C12orf56: variants seen among roughly 807,000 people sequenced by gnomAD.
The protein encoded by C12orf56 is uncharacterized protein C12orf56.
C12orf56 carries 71 observed loss-of-function variants against 69.9 expected under a neutral mutation model. The observed-to-expected ratio is 1.02, with a 90% CI of 0.84 to 1.24. The LOEUF is 1.24. Among genes scored for constraint, C12orf56 ranks in the 50% most tolerant of loss-of-function variants. The probability of loss-of-function intolerance (pLI) is 0.00; values close to 1 mark genes in which losing one functional copy is unlikely to be tolerated. For synonymous variants in C12orf56, 276 were observed against 274.1 expected (o/e 1.01, Z -0.07); for missense variants, 732 against 738.5 (o/e 0.99, Z 0.10).
At chr12:64,389,611 C>T (rs916474059) in intron 1 of C12orf56, among the ~76,000 whole-genome samples, 1 of 152,152 alleles carries the variant, frequency 6.6e-6, no homozygotes, top group Non-Finnish European at 1.5e-5. Context: ...ATTCTTGTGC[C>T]TCAGCCTCCC....
rs567996065 is a variant in C12orf56, at chr12:64,318,307, T to C, written c.894+268A>G. 3.3e-3 allele frequency among the ~76,000 whole-genome samples: 507 copies of C among 152,048 alleles called. 1 individual carries two copies. The highest frequency in any genetic ancestry group is 5.2e-3 in the Non-Finnish European group (352 of 67,992). Reference sequence around the variant, plus strand: ...CGAATTTCTGACCTCAAGAGATCCATCCACCTCGGCCTCCCAAAGTGCTGG... The same window carrying C: ...CGAATTTCTGACCTCAAGAGATCCACCCACCTCGGCCTCCCAAAGTGCTGG... On this transcript the variant is annotated intron_variant, in intron 4 of 12. Coordinates refer to ENST00000543942, the MANE Select transcript of C12orf56 (RefSeq NM_001170633.2).
At chr12:64,309,136 A>G in intron 5 of C12orf56, among the ~76,000 whole-genome samples, 1 of 152,236 alleles carries the variant, frequency 6.6e-6, no homozygotes, top group East Asian at 1.9e-4. Context: ...CTAAAATTAT[A>G]TAACAAAGTT....
chr12:64,333,477 G>A (rs571311783), intron 2 of C12orf56, among the ~76,000 whole-genome samples: 2 of 150,498 alleles, frequency 1.3e-5, no homozygotes, highest in South Asian at 4.2e-4. Context: ...CTCTTTCTAT[G>A]TTAGCTTTAT....
chr12:64,272,728 C>A (rs1486029399), intron 11 of C12orf56, among the ~76,000 whole-genome samples: 1 of 152,094 alleles, frequency 6.6e-6, no homozygotes, highest in Non-Finnish European at 1.5e-5. Flanking sequence ...GCTTCCATTG[C>A]TGTGAATGAC....
chr12:64,352,810 A>G (rs1226559176), intron 2 of C12orf56, 84 bp downstream of exon 2: 1 of 1,285,154 alleles, frequency 7.8e-7, no homozygotes. Context: ...ACTAAGAAGC[A>G]AAATATCCTG....
chr12:64,281,301 T>C (rs1283337287), intron 8 of C12orf56, among the ~76,000 whole-genome samples: 1 of 150,020 alleles, frequency 6.7e-6, no homozygotes, highest in Non-Finnish European at 1.5e-5. Flanking sequence ...CCGGGTGCGG[T>C]GGCTCATGCC....
At chr12:64,337,925 G>C (rs548875220) in intron 2 of C12orf56, among the ~76,000 whole-genome samples, 1 of 151,646 alleles carries the variant, frequency 6.6e-6, no homozygotes, top group South Asian at 2.1e-4. Context: ...ATACCAGGGA[G>C]AGGAGAACAT....
At chr12:64,280,069 A>T (rs1326971639) in intron 8 of C12orf56, among the ~76,000 whole-genome samples, 1 of 152,202 alleles carries the variant, frequency 6.6e-6, no homozygotes, top group African/African-American at 2.4e-5. Context: ...ATTTCAAGAA[A>T]GTTACAGCAA....
chr12:64,373,141 C>T (rs879781179), intron 1 of C12orf56, among the ~76,000 whole-genome samples: 1 of 152,120 alleles, frequency 6.6e-6, no homozygotes, highest in Non-Finnish European at 1.5e-5. Context: ...AAAACAGGTA[C>T]CATTTTTTAT....
chr12:64,390,458 G>A lies in C12orf56; in HGVS notation c.108C>T (p.Tyr36=), dbSNP rs750391688. The A allele has an allele frequency of 2.5e-6, 4 of 1,609,294 alleles. No homozygotes were observed. The highest frequency in any genetic ancestry group is 2.2e-5 in the East Asian group (1 of 44,848). Residue 36 remains tyrosine, a synonymous_variant, in exon 1 of 13, where the codon TAC becomes TAT. Coordinates refer to ENST00000543942, the MANE Select transcript of C12orf56 (RefSeq NM_001170633.2). ...PPEVYDAVRA[Y]EPCIVVSNSE... The stretch of plus-strand genomic sequence containing the variant: ...AGTTGGACACCACGATGCATGGCTC[G>A]TAGGCGCGGACCGCGTCGTAGACCT...
At chr12:64,324,653 G>T (rs1437430688) in intron 3 of C12orf56, among the ~76,000 whole-genome samples, 1 of 152,182 alleles carries the variant, frequency 6.6e-6, no homozygotes, top group Non-Finnish European at 1.5e-5. Flanking sequence ...CGTGGTAAAA[G>T]GTTTATCTGC....
chr12:64,304,064 T>G (rs1437226810), intron 5 of C12orf56, among the ~76,000 whole-genome samples: 2 of 152,174 alleles, frequency 1.3e-5, no homozygotes, highest in Non-Finnish European at 2.9e-5. Flanking sequence ...CCTCTTTCAT[T>G]TACCATAATC....
Position 64,270,635 on chromosome 12 carries a change from G to T in C12orf56, c.1664C>A (p.Ala555Glu). Residue 555 changes from alanine (A) to glutamate (E), a missense_variant, in exon 12 of 13, where the codon GCA (alanine) becomes GAA (glutamate). Physicochemically the swap from Ala to Glu is moderately radical, Grantham distance 107. Transcript: ENST00000543942. ...ASFQLLSPCQAVLLYQQFYIL... is the reference protein window; with the variant it reads ...ASFQLLSPCQEVLLYQQFYIL... Reference sequence around the variant, plus strand: ...GTAAAATTGCTGGTACAACAGAACTGCTTGGCAGGGACTTAGCAGCTGAAA... The same window carrying T: ...GTAAAATTGCTGGTACAACAGAACTTCTTGGCAGGGACTTAGCAGCTGAAA... 1.2e-6 allele frequency: 2 copies of T among 1,613,848 alleles called. No individual in the cohort carries two copies. The highest frequency in any genetic ancestry group is 1.7e-6 in the Non-Finnish European group (2 of 1,179,804).
intron 6 of C12orf56, chr12:64,293,147 G>T (rs931439533): frequency 2.0e-5 from 3 of 152,290 alleles, no homozygotes; most frequent in African/African-American, 7.2e-5. Flanking sequence ...TCTTTGACTC[G>T]GAAAGGGAAC....
intron 7 of C12orf56, among the ~76,000 whole-genome samples, chr12:64,285,684 T>A (rs10735922): frequency 0.99 from 150,104 of 152,296 alleles, 74,008 homozygotes; most frequent in Middle Eastern, 1. Flanking sequence ...GTTGCTCCGG[T>A]AGCTGAAGCA....
chr12:64,284,610 G>A, intron 8 of C12orf56, 54 bp downstream of exon 8: 1 of 1,288,670 alleles, frequency 7.8e-7, no homozygotes, highest in Non-Finnish European at 1.1e-6. Flanking sequence ...CACTTAATAA[G>A]AATAGTTAAT....
chr12:64,366,216 GTTTATATATTATATATAATATAC>G (rs2039477150), intron 1 of C12orf56, among the ~76,000 whole-genome samples: 1 of 59,060 alleles, frequency 1.7e-5, no homozygotes, highest in Non-Finnish European at 3.2e-5. Flanking sequence ...ATAATATACA[GTTTATATATTATATATAATATAC>G]AGTTTATATA....
intron 1 of C12orf56, among the ~76,000 whole-genome samples, chr12:64,355,467 A>T (rs2135954454): frequency 6.6e-6 from 1 of 152,260 alleles, no homozygotes; most frequent in Non-Finnish European, 1.5e-5. Context: ...ATTTAATTTT[A>T]AATTTTTTTG....
intron 2 of C12orf56, among the ~76,000 whole-genome samples, chr12:64,347,619 C>T (rs1401334039): frequency 6.6e-6 from 1 of 152,096 alleles, no homozygotes; most frequent in Admixed American, 6.5e-5. Flanking sequence ...CTCTGTCCCC[C>T]AGGATGGATC....
Sources: allele counts gnomAD v4.1 joint callset (sites outside exome capture counted in the v4.1 genomes callset), GRCh38; gene constraint gnomAD v4.1.1; transcripts MANE v1.5; gene names NCBI Gene and HGNC (gene_info 2026-07-23, HGNC 2026-07-21).